The following RGS14 variants were observed in gnomAD, a reference collection of about 807,000 sequenced individuals.
RGS14 encodes regulator of G-protein signaling 14.
Under a neutral mutation model 63.8 loss-of-function variants are expected in RGS14, and 33 were observed. The observed-to-expected ratio is 0.52, with a 90% CI of 0.39 to 0.69. RGS14 has a LOEUF of 0.69. Among genes scored for constraint, RGS14 ranks in the 30% least tolerant of loss-of-function variants. The pLI is 0.00. For missense variants in RGS14, 739 were observed against 742.9 expected (o/e 0.99, Z 0.06); for synonymous variants, 296 against 320.9 (o/e 0.92, Z 0.83).
Position 177,359,556 on chromosome 5 carries a change from C to T in RGS14, c.45+1487C>T, listed in dbSNP as rs531722487. On this transcript the variant is annotated intron_variant, in intron 1 of 14. Transcript: ENST00000408923. This position sits in a 1 kb window ranked among gnomAD's most constrained non-coding sequence, Gnocchi z 4.4. Reference sequence around the variant, plus strand: ...TCTGTGTCAGCCTGTGACTTCTCTACTCAAAAGTCACCTAGAGCAGGGAGG... The same window carrying T: ...TCTGTGTCAGCCTGTGACTTCTCTATTCAAAAGTCACCTAGAGCAGGGAGG... Among the ~76,000 whole-genome samples the T allele has an allele frequency of 1.3e-5, 2 of 152,344 alleles. No individual in the cohort carries two copies. The highest frequency in any genetic ancestry group is 4.8e-5 in the African/African-American group (2 of 41,588).
chr5:177,362,382 C>T (rs535022202), intron 1 of RGS14, among the ~76,000 whole-genome samples: 1 of 152,230 alleles, frequency 6.6e-6, no homozygotes, highest in Admixed American at 6.5e-5. Context: ...GAGGCAAAGA[C>T]GGTGCTTCTT....
rs1387298927 is a variant in RGS14 at position 177,371,083 on chromosome 5, G to C, written c.1254+52G>C. The C allele has an allele frequency of 5.7e-6, 3 of 527,852 alleles. No homozygotes were observed. Among genetic ancestry groups the C allele is most frequent in the African/African-American group, 3.8e-5 (1 of 26,250 alleles). The allele number at this position is 527,852 out of a possible 1,614,324, so 32.7% of individuals were successfully genotyped here. ...CGGGGCGGGGCCGGGCCGGGGCCGGGGCCGGGGCCGGGGCCGGGGCCGGGG... is the reference window on the plus strand; with the variant it reads ...CGGGGCGGGGCCGGGCCGGGGCCGGCGCCGGGGCCGGGGCCGGGGCCGGGG... On this transcript the variant is annotated intron_variant, in intron 11 of 14. Transcript: ENST00000408923. The surrounding 1 kb of genome is among the most constrained non-coding windows in gnomAD (Gnocchi z 6.1).
At chr5:177,362,534 C>T (rs942035897) in intron 1 of RGS14, among the ~76,000 whole-genome samples, 18 of 152,008 alleles carry the variant, frequency 1.2e-4, no homozygotes, top group African/African-American at 4.4e-4. Flanking sequence ...TGTTTGGGGA[C>T]GACTAATGTC....
In RGS14 at chr5:177,357,979, C is replaced by G; in HGVS notation, c.-46C>G. 4 of 1,328,952 alleles carry G rather than the reference C, an allele frequency of 3.0e-6. No individual in the cohort carries two copies. Among genetic ancestry groups the G allele is most frequent in the Non-Finnish European group, 2.9e-6 (3 of 1,031,550 alleles). The allele number at this position is 1,328,952 out of a possible 1,614,324, so 82.3% of individuals were successfully genotyped here. A position where few individuals can be genotyped will look rare whatever the true frequency, so the allele number is the denominator to read the frequency against. On this transcript the variant is annotated 5_prime_UTR_variant, in exon 1 of 15. Coordinates refer to ENST00000408923, the MANE Select transcript of RGS14 (RefSeq NM_006480.5). The stretch of plus-strand genomic sequence containing the variant: ...CTCTGGCCGGCGCTGCCCACAGTCC[C>G]CATGGTGGGCAGCCCCCGCGGCGGG...
rs1331244758 is a variant in RGS14, at chr5:177,371,054, GGGGCGGGGCGGGGCC to G, written c.1254+28_1254+42del. ...CGGGTGAGCTTCCGGGCCGCGGGGCGGGGCGGGGCGGGGCCGGGCCGGGGCCGGGGCCGGGGCCGG... is the reference window on the plus strand; with the variant it reads ...CGGGTGAGCTTCCGGGCCGCGGGGCGGGGCCGGGGCCGGGGCCGGGGCCGG... On this transcript the variant is annotated intron_variant, in intron 11 of 14. Coordinates refer to ENST00000408923, the MANE Select transcript of RGS14 (RefSeq NM_006480.5). The surrounding 1 kb of genome is among the most constrained non-coding windows in gnomAD (Gnocchi z 6.1). 6 of 1,143,752 alleles carry G rather than the reference GGGGCGGGGCGGGGCC, an allele frequency of 5.2e-6. 1 individual carries two copies. In the African/African-American group the frequency reaches 1.2e-4, roughly 22 times the overall value. The allele number at this position is 1,143,752 out of a possible 1,614,324, so 70.9% of individuals were successfully genotyped here.
At chr5:177,365,925 C>A (rs1385781327) in intron 1 of RGS14, 38 bp from the exon 2 acceptor site, 2 of 1,611,704 alleles carry the variant, frequency 1.2e-6, no homozygotes, top group Non-Finnish European at 1.7e-6. Context: ...GGAATCCTCA[C>A]TGGGCTCTTC....
rs1194449616 is a variant in RGS14 at position 177,371,017 on chromosome 5, G to T, written c.1240G>T (p.Val414Leu). 1.5e-5 allele frequency: 24 copies of T among 1,593,002 alleles called. No individual in the cohort carries two copies. Among genetic ancestry groups the T allele is most frequent in the Non-Finnish European group, 1.7e-5 (20 of 1,174,774 alleles). ...LEKHGLSPLE[V>L]VLHRPGEKQP... The stretch of plus-strand genomic sequence containing the variant: ...GAAGCACGGCTTGAGCCCGCTAGAG[G>T]TGGTGCTGCACCGGGTGAGCTTCCG... The change falls in exon 11 of 15, where the codon GTG becomes TTG. Residue 414 changes from valine to leucine, a missense_variant. Val to Leu is a conservative substitution (Grantham distance 32, BLOSUM62 1). Transcript: ENST00000408923. This position sits in a 1 kb window ranked among gnomAD's most constrained non-coding sequence, Gnocchi z 6.1.
chr5:177,367,291 CGGGGCTT>C (rs1173328399), intron 5 of RGS14, 116 bp from the exon 6 acceptor site: 1 of 1,342,738 alleles, frequency 7.4e-7, no homozygotes, highest in East Asian at 2.5e-5. Context: ...GAGGTCGGGG[CGGGGCTT>C]GGGAAATCCA....
At position 177,367,509 on chromosome 5, in the gene RGS14, G is replaced by A. The variant is rs772589462; in HGVS notation, c.579G>A (p.Leu193=). The change falls in exon 6 of 15, where the codon CTG becomes CTA. Residue 193 remains leucine (L), a synonymous_variant. Transcript: ENST00000408923. ...CLLAEAEGRP[L]REPGSSRLGS... is the part of the protein sequence containing the mutation. ...TAGCCGAAGCCGAGGGACGCCCTCT[G>A]CGGGAACCTGGCTCCTCGCGCCTCG... is the stretch of plus-strand genomic sequence containing the variant. 8 of 1,612,478 alleles carry A rather than the reference G, an allele frequency of 5.0e-6. No homozygotes were observed. In the East Asian group the frequency reaches 1.6e-4, roughly 31 times the overall value.
chr5:177,363,570 G>A (rs1762023006), intron 1 of RGS14, among the ~76,000 whole-genome samples: 1 of 152,078 alleles, frequency 6.6e-6, no homozygotes, highest in Non-Finnish European at 1.5e-5. Flanking sequence ...AATGTGTAGC[G>A]GGGTCAGGCA....
intron 5 of RGS14, 90 bp downstream of exon 5, chr5:177,367,124 C>T: frequency 1.4e-6 from 2 of 1,477,678 alleles, no homozygotes; most frequent in Non-Finnish European, 1.8e-6. Context: ...AACTACAAAG[C>T]GGAGGGGGCA....
In RGS14 at chr5:177,358,907, A is replaced by G. The variant is rs969295393; in HGVS notation, c.45+838A>G. 6.6e-6 allele frequency among the ~76,000 whole-genome samples: 1 copy of G among 152,240 alleles called. No homozygotes were observed. Among genetic ancestry groups the G allele is most frequent in the Non-Finnish European group, 1.5e-5 (1 of 68,040 alleles). On this transcript the variant is annotated intron_variant, in intron 1 of 14. Transcript: ENST00000408923. This position sits in a 1 kb window ranked among gnomAD's most constrained non-coding sequence, Gnocchi z 4.8. Reference sequence around the variant, plus strand: ...ATCACGGGCCAAAGCCAGTGGCTCTATAGAGACCTGGGTTCCAGTCCTGGT... The same window carrying G: ...ATCACGGGCCAAAGCCAGTGGCTCTGTAGAGACCTGGGTTCCAGTCCTGGT...
At chr5:177,365,896 G>C (rs1469543035) in intron 1 of RGS14, 67 bp from the exon 2 acceptor site, 48 of 1,529,256 alleles carry the variant, frequency 3.1e-5, no homozygotes, top group Non-Finnish European at 3.8e-5. Context: ...CTGGGAGTCG[G>C]GCCCAGAACT....
chr5:177,366,017 G>A, intron 2 of RGS14, 33 bp downstream of exon 2: 2 of 1,612,394 alleles, frequency 1.2e-6, no homozygotes, highest in Non-Finnish European at 1.7e-6. Context: ...AACTGGCTGA[G>A]TGGGAGGGAG....
Position 177,372,432 on chromosome 5 carries a change from T to G in RGS14, c.*357T>G. ...AGGGGCAAGAGGAGGGGCCGGCCCCTCCTCAGGAAGCTGGTATGAGTAAGG... is the reference window on the plus strand; with the variant it reads ...AGGGGCAAGAGGAGGGGCCGGCCCCGCCTCAGGAAGCTGGTATGAGTAAGG... On this transcript the variant is annotated 3_prime_UTR_variant, in exon 15 of 15. Coordinates refer to ENST00000408923, the MANE Select transcript of RGS14 (RefSeq NM_006480.5). The G allele has an allele frequency of 4.0e-6, 1 of 249,358 alleles. No homozygotes were observed. Among genetic ancestry groups the G allele is most frequent in the Non-Finnish European group, 7.7e-6 (1 of 129,194 alleles). The allele number at this position is 249,358 out of a possible 1,614,324, so 15.4% of individuals were successfully genotyped here. A position where few individuals can be genotyped will look rare whatever the true frequency, so the allele number is the denominator to read the frequency against.
rs1486609918 is a variant in RGS14, at chr5:177,359,676, G to A, written c.45+1607G>A. On this transcript the variant is annotated intron_variant, in intron 1 of 14. Coordinates refer to ENST00000408923, the MANE Select transcript of RGS14 (RefSeq NM_006480.5). This position sits in a 1 kb window ranked among gnomAD's most constrained non-coding sequence, Gnocchi z 4.4. ...ACAGGTTTATCTTTGCCCTTCCTGG[G>A]CCTGTTCCAAACTCTCTGTGCCACC... Among the ~76,000 whole-genome samples, 2 of 152,230 alleles carry A rather than the reference G, an allele frequency of 1.3e-5. No homozygotes were observed. Among genetic ancestry groups the A allele is most frequent in the African/African-American group, 2.4e-5 (1 of 41,462 alleles).
At chr5:177,366,602 C>G (rs1172786507) in intron 3 of RGS14, 106 bp from the exon 4 acceptor site, 4 of 1,074,372 alleles carry the variant, frequency 3.7e-6, no homozygotes, top group Non-Finnish European at 5.6e-6. Flanking sequence ...GTCTGTCTGG[C>G]TTGGTCTCTT....
Position 177,367,771 on chromosome 5 carries a change from C to T in RGS14, c.685C>T (p.Leu229=). 2 of 1,612,478 alleles carry T rather than the reference C, an allele frequency of 1.2e-6. No homozygotes were observed. Among genetic ancestry groups the T allele is most frequent in the South Asian group, 2.2e-5 (2 of 90,830 alleles). Residue 229 remains leucine, a synonymous_variant, in exon 7 of 15, where the codon CTG becomes TTG. Transcript: ENST00000408923. ...GCTGGGTGTGGAGGAGTTGGGGCAG[C>T]TGCCACCCGTTGAGGGTCCTGGGGG... The part of the protein sequence containing the change: ...LPLGVEELGQ[L]PPVEGPGGRP...
rs1762226909 is a variant in RGS14, at chr5:177,370,904, G to C, written c.1128-1G>C. ...CTCTGCTGCCCGAGGGTTCCTCGCA[G>C]GCTGGAGCTGACGGCGCTGGAGCGC... On this transcript the variant is annotated splice_acceptor_variant, in intron 10 of 14. Transcript: ENST00000408923. LOFTEE classifies it high-confidence loss of function. 1 of 1,603,592 alleles carries C rather than the reference G, an allele frequency of 6.2e-7. No homozygotes were observed. The highest frequency in any genetic ancestry group is 8.5e-7 in the Non-Finnish European group (1 of 1,179,412).
Sources: gnomAD v4.1 joint callset for allele counts (sites outside exome capture counted in the v4.1 genomes callset) on GRCh38, gnomAD v4.1.1 for gene constraint, Gnocchi (gnomAD v3.1) non-coding constraint, MANE v1.5 for transcripts, NCBI Gene and HGNC (gene_info 2026-07-23, HGNC 2026-07-21) for gene names.